SSBP2: variants seen among roughly 807,000 people sequenced by gnomAD.
The protein encoded by SSBP2 is single-stranded DNA-binding protein 2.
A neutral mutation model predicts 61.8 loss-of-function variants in SSBP2; 17 were observed. That is an observed-to-expected ratio of 0.28 (90% CI 0.19 to 0.41). The LOEUF (loss-of-function observed/expected upper bound fraction) is 0.41. Among genes scored for constraint, SSBP2 ranks in the 10% least tolerant of loss-of-function variants. The pLI, the probability that SSBP2 is intolerant of heterozygous loss-of-function variation, is 1.00. For missense variants in SSBP2, 310 were observed against 458.7 expected, an observed-to-expected ratio of 0.68 and a Z score of 2.96; for synonymous variants, 139 against 141.3, an observed-to-expected ratio of 0.98 and a Z score of 0.12.
At chr5:81,683,238 A>G (rs541175922) in intron 1 of SSBP2, among the ~76,000 whole-genome samples, 2 of 152,316 alleles carry the variant, frequency 1.3e-5, no homozygotes, top group Non-Finnish European at 2.9e-5. Flanking sequence ...GAGGACTGAC[A>G]CTATTTGACT....
chr5:81,432,228 C>G (rs952623629), intron 15 of SSBP2, among the ~76,000 whole-genome samples: 1 of 152,012 alleles, frequency 6.6e-6, no homozygotes, highest in East Asian at 1.9e-4. Context: ...TGGTGTAGAT[C>G]TCTAGTCATC....
chr5:81,431,918 C>A (rs1344581742), intron 15 of SSBP2, among the ~76,000 whole-genome samples: 2 of 152,192 alleles, frequency 1.3e-5, no homozygotes, highest in Non-Finnish European at 2.9e-5. Context: ...GTTATTATCC[C>A]TTCTCCCATC....
In SSBP2 at chr5:81,751,021, T is replaced by G. The variant is rs2154040318; in HGVS notation, c.22A>C (p.Asn8His). 6.3e-7 allele frequency: 1 copy of G among 1,599,598 alleles called. No individual in the cohort carries two copies. Among genetic ancestry groups the G allele is most frequent in the East Asian group, 2.3e-5 (1 of 44,010 alleles). Residue 8 changes from asparagine (N) to histidine (H), a missense_variant, in exon 1 of 17, where the codon AAC (asparagine) becomes CAC (histidine). Coordinates refer to ENST00000320672, the MANE Select transcript of SSBP2 (RefSeq NM_012446.5). The stretch of plus-strand genomic sequence containing the variant: ...CTGTCGGACGGGACGGCGCTGCTGT[T>G]ACTCTTGCCTTTGCCGTACATGCTT...
intron 4 of SSBP2, among the ~76,000 whole-genome samples, chr5:81,540,792 A>G (rs1771206118): frequency 6.6e-6 from 1 of 152,132 alleles, no homozygotes; most frequent in Non-Finnish European, 1.5e-5. Context: ...GTGCTCTGAA[A>G]CCAAACTGCA....
intron 1 of SSBP2, among the ~76,000 whole-genome samples, chr5:81,673,184 A>C (rs1470021737): frequency 4.6e-5 from 7 of 152,122 alleles, no homozygotes; most frequent in Non-Finnish European, 8.8e-5. Flanking sequence ...AGCATTTAGC[A>C]CCCATGGGTG....
Position 81,461,037 on chromosome 5 carries a change from AT to A in SSBP2, c.687+17del, listed in dbSNP as rs757813734. 9 of 1,301,414 alleles carry A rather than the reference AT, an allele frequency of 6.9e-6. No homozygotes were observed. The highest frequency in any genetic ancestry group is 2.8e-5 in the Admixed American group (1 of 35,310). The allele number at this position is 1,301,414 out of a possible 1,614,324, so 80.6% of individuals were successfully genotyped here. On this transcript the variant is annotated intron_variant, in intron 10 of 16. Coordinates refer to ENST00000320672, the MANE Select transcript of SSBP2 (RefSeq NM_012446.5). ...TACAAAATGCAAAATATTAAAAAAA[AT>A]ATATATATATACTCACTGAATTGGC...
intron 4 of SSBP2, among the ~76,000 whole-genome samples, chr5:81,590,428 A>G (rs1775410728): frequency 6.6e-6 from 1 of 152,230 alleles, no homozygotes; most frequent in Admixed American, 6.5e-5. Flanking sequence ...ATTTTCTTTA[A>G]CTCTATCAAA....
rs201614752 is a variant in SSBP2, at chr5:81,442,638, A to G, written c.849+15T>C. 6.1e-6 allele frequency: 9 copies of G among 1,471,768 alleles called. No individual in the cohort carries two copies. The East Asian group carries it at 2.1e-4, about 35-fold the overall frequency. 91.2% of individuals were successfully genotyped at this position (1,471,768 alleles called of 1,614,324 possible). A position where few individuals can be genotyped will look rare whatever the true frequency, so the allele number is the denominator to read the frequency against. On this transcript the variant is annotated intron_variant, in intron 13 of 16. Coordinates refer to ENST00000320672, the MANE Select transcript of SSBP2 (RefSeq NM_012446.5). ...CTTCAAATACATTCCAAAAATAAAA[A>G]AAGTTCATATTTACATTAGGTCTGT...
At chr5:81,627,846 G>C (rs529963872) in intron 3 of SSBP2, among the ~76,000 whole-genome samples, 16 of 151,902 alleles carry the variant, frequency 1.1e-4, no homozygotes, top group African/African-American at 3.6e-4. Flanking sequence ...AGTGAGTCTC[G>C]ATCCCAGGAG....
intron 4 of SSBP2, among the ~76,000 whole-genome samples, chr5:81,542,861 T>C (rs1271490331): frequency 9.6e-6 from 1 of 103,762 alleles, no homozygotes; most frequent in African/African-American, 5.7e-5. Flanking sequence ...CTCCTTTCTT[T>C]CTTCTTTTTT....
chr5:81,558,222 T>C (rs989257625), intron 4 of SSBP2, among the ~76,000 whole-genome samples: 3 of 152,232 alleles, frequency 2.0e-5, no homozygotes, highest in African/African-American at 7.2e-5. Flanking sequence ...TCTCAAAATA[T>C]ACCTCTTTCT....
intron 1 of SSBP2, among the ~76,000 whole-genome samples, chr5:81,690,070 T>C (rs1753091828): frequency 6.6e-6 from 1 of 151,986 alleles, no homozygotes; most frequent in Admixed American, 6.6e-5. Context: ...AGATTTCTGG[T>C]AACCTCAAAT....
rs1437363873 is a variant in SSBP2 at position 81,646,641 on chromosome 5, TA to T, written c.135+3625del. On this transcript the variant is annotated intron_variant, in intron 2 of 16. Transcript: ENST00000320672. ...TTTTTTTTTTTTTACCATCCATGGTTAGGGCAAAAGGGCACCAAGACACCAG... is the reference window on the plus strand; with the variant it reads ...TTTTTTTTTTTTTACCATCCATGGTTGGGCAAAAGGGCACCAAGACACCAG... Among the ~76,000 whole-genome samples the T allele has an allele frequency of 6.7e-5, 10 of 150,190 alleles. No individual in the cohort carries two copies. The East Asian group carries it at 1.9e-3, about 29-fold the overall frequency.
chr5:81,576,446 T>C (rs1019983578), intron 4 of SSBP2, among the ~76,000 whole-genome samples: 1 of 152,068 alleles, frequency 6.6e-6, no homozygotes, highest in Non-Finnish European at 1.5e-5. Context: ...TAAGTATCAT[T>C]ATTATCCTTA....
chr5:81,448,970 A>T, intron 10 of SSBP2, 145 bp from the exon 11 acceptor site: 1 of 635,498 alleles, frequency 1.6e-6, no homozygotes, highest in Non-Finnish European at 2.7e-6. Context: ...GTATCTGTTT[A>T]AGTACTGGAA....
At chr5:81,669,473 T>C (rs1360136434) in intron 1 of SSBP2, among the ~76,000 whole-genome samples, 1 of 151,964 alleles carries the variant, frequency 6.6e-6, no homozygotes, top group Non-Finnish European at 1.5e-5. Context: ...ATCCAGAAAA[T>C]GAAATATTCA....
intron 1 of SSBP2, among the ~76,000 whole-genome samples, chr5:81,668,125 T>C (rs1363056940): frequency 6.6e-6 from 1 of 151,810 alleles, no homozygotes; most frequent in Non-Finnish European, 1.5e-5. Context: ...TGGGTATCAA[T>C]ACTTAACTAA....
At chr5:81,621,530 T>C (rs2153627213) in intron 3 of SSBP2, among the ~76,000 whole-genome samples, 1 of 33,744 alleles carries the variant, frequency 3.0e-5, no homozygotes, top group Non-Finnish European at 5.0e-5. Flanking sequence ...AGTTCAACCA[T>C]TGTGGAAGTC....
At chr5:81,671,683 AG>A (rs1751589988) in intron 1 of SSBP2, among the ~76,000 whole-genome samples, 1 of 152,206 alleles carries the variant, frequency 6.6e-6, no homozygotes, top group Non-Finnish European at 1.5e-5. Flanking sequence ...CAAAATCTTA[AG>A]AAAAAAACAA....
Sources: gnomAD v4.1 joint callset for allele counts (sites outside exome capture counted in the v4.1 genomes callset) on GRCh38, gnomAD v4.1.1 for gene constraint, MANE v1.5 for transcripts, NCBI Gene and HGNC (gene_info 2026-07-23, HGNC 2026-07-21) for gene names.